Variants in SIGLEC1 observed in about 807,000 individuals in gnomAD.
The protein encoded by SIGLEC1 is sialoadhesin.
SIGLEC1 carries 132 observed loss-of-function variants against 148.0 expected under a neutral mutation model. That is an observed-to-expected ratio of 0.89 (90% CI 0.77 to 1.03). The LOEUF (loss-of-function observed/expected upper bound fraction) is 1.03, where lower values mean the gene tolerates loss of function less well. SIGLEC1 is among the 50% of genes least tolerant of loss of function. The pLI is 0.00. For missense variants in SIGLEC1, 2,253 were observed against 2,271.4 expected (o/e 0.99, Z 0.16); for synonymous variants, 945 against 969.0 (o/e 0.98, Z 0.46).
chr20:3,696,280 ATATG>A (rs1316853293), intron 11 of SIGLEC1, among the ~76,000 whole-genome samples: 1 of 152,246 alleles, frequency 6.6e-6, no homozygotes, highest in African/African-American at 2.4e-5. Flanking sequence ...ATAAATATAC[ATATG>A]TATGAGAATG....
At position 3,693,467 on chromosome 20, in the gene SIGLEC1, G is replaced by A. The variant is rs544860792; in HGVS notation, c.3488C>T (p.Pro1163Leu). The A allele has an allele frequency of 2.3e-4, 374 of 1,596,528 alleles. 6 individuals carry two copies. The South Asian group carries it at 4.0e-3, about 17-fold the overall frequency. ...PPGRAPRLSR[P>L]ITLDVLYAPR... ...CTCACAGAGGACGTCCAAGGTGATA[G>A]GTCTGGAGAGGCGGGGTGCCCGACC... Residue 1163 changes from proline (P) to leucine (L), a missense_variant, in exon 14 of 22, where the codon CCT becomes CTT. Transcript: ENST00000344754.
chr20:3,697,089 T>G lies in SIGLEC1; in HGVS notation c.2376A>C (p.Val792=), dbSNP rs673114. The G allele has an allele frequency of 0.63, 1,006,752 of 1,609,010 alleles. 317,107 individuals are homozygous for G. The highest frequency in any genetic ancestry group is 0.78 in the African/African-American group (58,555 of 74,602). The change falls in exon 10 of 22, where the codon GTA becomes GTC. Residue 792 remains valine, a synonymous_variant. Coordinates refer to ENST00000344754, the MANE Select transcript of SIGLEC1 (RefSeq NM_023068.4). ...CTGCCCATGCCAGTCACCCACAGAGTACACTCAGGAGCACGGGAGTGGAGA... is the reference window on the plus strand; with the variant it reads ...CTGCCCATGCCAGTCACCCACAGAGGACACTCAGGAGCACGGGAGTGGAGA... ...AQLSTPVLLS[V]LYPPDRPKLS...
At chr20:3,711,085 G>A (rs916419587) in intron 1 of SIGLEC1, among the ~76,000 whole-genome samples, 1 of 152,230 alleles carries the variant, frequency 6.6e-6, no homozygotes, top group Non-Finnish European at 1.5e-5. Flanking sequence ...GGTGGTCGAG[G>A]GGGAATTGCG....
rs1023458583 is a variant in SIGLEC1, at chr20:3,710,776, C to T, written c.-110+1694G>A. Among the ~76,000 whole-genome samples the T allele has an allele frequency of 2.0e-5, 3 of 152,176 alleles. No homozygotes were observed. Among genetic ancestry groups the T allele is most frequent in the African/African-American group, 4.8e-5 (2 of 41,440 alleles). ...GACACAGCGACCCTGGAACAGGGCG[C>T]GGGGGAGGACCCTTTCCAGGACCAC... On this transcript the variant is annotated intron_variant, in intron 1 of 21. Coordinates refer to ENST00000344754, the MANE Select transcript of SIGLEC1 (RefSeq NM_023068.4). This position sits in a 1 kb window ranked among gnomAD's most constrained non-coding sequence, Gnocchi z 4.6.
In SIGLEC1 at chr20:3,688,447, AGC is replaced by A. The variant is rs1238944171; in HGVS notation, c.*111_*112del. The A allele has an allele frequency of 1.1e-6, 1 of 909,220 alleles. No homozygotes were observed. The allele number at this position is 909,220 out of a possible 1,614,324, so 56.3% of individuals were successfully genotyped here. A position where few individuals can be genotyped will look rare whatever the true frequency, so the allele number is the denominator to read the frequency against. On this transcript the variant is annotated 3_prime_UTR_variant, in exon 22 of 22. Coordinates refer to ENST00000344754, the MANE Select transcript of SIGLEC1 (RefSeq NM_023068.4). ...GGTCATAAAAAGTCAGATGTCACAG[AGC>A]TGTTTTCGTAGAGGCGGGCAGGACT...
intron 4 of SIGLEC1, among the ~76,000 whole-genome samples, chr20:3,704,654 T>C (rs1025772906): frequency 6.6e-6 from 1 of 152,236 alleles, no homozygotes; most frequent in African/African-American, 2.4e-5. Context: ...TCTGGCTCAG[T>C]CAGCCAAGCT....
chr20:3,709,725 A>G (rs1036468391), intron 1 of SIGLEC1, among the ~76,000 whole-genome samples: 2 of 152,268 alleles, frequency 1.3e-5, no homozygotes, highest in Admixed American at 1.3e-4. Context: ...ACAATGGAAT[A>G]TCAATCGGCC....
intron 2 of SIGLEC1, 145 bp from the exon 3 acceptor site, chr20:3,706,851 C>T (rs1051376833): frequency 2.7e-6 from 3 of 1,124,420 alleles, no homozygotes; most frequent in Non-Finnish European, 3.7e-6. Context: ...TTAGAGCAGC[C>T]CTTCTCAGTG....
At chr20:3,691,272 G>A (rs779668759) in intron 18 of SIGLEC1, 68 bp downstream of exon 18, 13 of 1,576,950 alleles carry the variant, frequency 8.2e-6, no homozygotes, top group African/African-American at 1.3e-5. Context: ...AGACAGAAGA[G>A]GAGGAAGAAC....
intron 9 of SIGLEC1, 131 bp from the exon 10 acceptor site, chr20:3,697,473 A>G: frequency 8.8e-7 from 1 of 1,140,008 alleles, no homozygotes; most frequent in Non-Finnish European, 1.2e-6. Context: ...AAAGCAAGCT[A>G]GCTCACAGGG....
Position 3,698,125 on chromosome 20 carries a change from G to C in SIGLEC1, c.1795C>G (p.Arg599Gly). The C allele has an allele frequency of 1.9e-6, 3 of 1,594,546 alleles. No individual in the cohort carries two copies. Among genetic ancestry groups the C allele is most frequent in the South Asian group, 1.1e-5 (1 of 88,738 alleles). ...AGCCTGGTGGTGAATGTTGGTTGTCGAGGGGGGTCTGCAGGGAGGAAGAAC... is the reference window on the plus strand; with the variant it reads ...AGCCTGGTGGTGAATGTTGGTTGTCCAGGGGGGTCTGCAGGGAGGAAGAAC... ...PAVLTVLYPPRQPTFTTRLDL... is the reference protein window; with the variant it reads ...PAVLTVLYPPGQPTFTTRLDL... Residue 599 changes from arginine to glycine, a missense_variant, in exon 9 of 22, where the codon CGA (arginine) becomes GGA (glycine). Arg to Gly is a moderately radical substitution (Grantham distance 125). Transcript: ENST00000344754.
Position 3,703,951 on chromosome 20 carries a change from G to A in SIGLEC1, c.847C>T (p.Leu283Phe). 1 of 1,613,350 alleles carries A rather than the reference G, an allele frequency of 6.2e-7. No individual in the cohort carries two copies. The change falls in exon 5 of 22, where the codon CTC becomes TTC. Residue 283 changes from leucine (L) to phenylalanine (F), a missense_variant. Physicochemically the swap from Leu to Phe is conservative, Grantham distance 22 (BLOSUM62 0). Coordinates refer to ENST00000344754, the MANE Select transcript of SIGLEC1 (RefSeq NM_023068.4). ...SIKWLKDGVR[L>F]QTKTGVLHLP... is the part of the protein sequence containing the mutation. Reference sequence around the variant, plus strand: ...TGCAGCACACCAGTCTTGGTTTGGAGGCGTACCCCATCCTTGAGCCACTTA... The same window carrying A: ...TGCAGCACACCAGTCTTGGTTTGGAAGCGTACCCCATCCTTGAGCCACTTA...
chr20:3,692,823 G>C, intron 15 of SIGLEC1, 39 bp downstream of exon 15: 1 of 1,600,832 alleles, frequency 6.2e-7, no homozygotes, highest in Non-Finnish European at 8.5e-7. Flanking sequence ...ACCACAGTGG[G>C]CTTCCATCCC....
At position 3,693,040 on chromosome 20, in the gene SIGLEC1, G is replaced by T; in HGVS notation, c.3600C>A (p.Pro1200=). The T allele has an allele frequency of 6.2e-7, 1 of 1,609,626 alleles. No homozygotes were observed. ...CGGCGTGGCTGAGGGCCAGCTGGGCGGGCGGGCGGCTGTCCACAGTGCACA... is the reference window on the plus strand; with the variant it reads ...CGGCGTGGCTGAGGGCCAGCTGGGCTGGCGGGCGGCTGTCCACAGTGCACA... ...LVLCTVDSRP[P]AQLALSHAGR... Residue 1200 remains proline (P), a synonymous_variant, in exon 15 of 22, where the codon CCC becomes CCA. Transcript: ENST00000344754.
Position 3,712,564 on chromosome 20 carries a change from AG to A in SIGLEC1, c.-205del, listed in dbSNP as rs1354066380. ...GAGCTCCTGGTGCAGCTGGCTCCCC[AG>A]GGCTCTGCCGGCTCAAGAGAGAAGG... On this transcript the variant is annotated 5_prime_UTR_variant, in exon 1 of 22. Coordinates refer to ENST00000344754, the MANE Select transcript of SIGLEC1 (RefSeq NM_023068.4). Among the ~76,000 whole-genome samples, 1 of 152,166 alleles carries A rather than the reference AG, an allele frequency of 6.6e-6. No individual in the cohort carries two copies. The highest frequency in any genetic ancestry group is 2.4e-5 in the African/African-American group (1 of 41,426).
intron 13 of SIGLEC1, 107 bp downstream of exon 13, chr20:3,694,114 G>T: frequency 1.6e-6 from 2 of 1,225,196 alleles, no homozygotes; most frequent in South Asian, 1.5e-5. Flanking sequence ...TGGGAATGGG[G>T]ACTATTCCCG....
Position 3,690,265 on chromosome 20 carries a change from C to A in SIGLEC1, c.4592-1G>T. 1 of 1,540,390 alleles carries A rather than the reference C, an allele frequency of 6.5e-7. No homozygotes were observed. Among genetic ancestry groups the A allele is most frequent in the Middle Eastern group, 1.7e-4 (1 of 5,954 alleles). ...ATCATGGTGGGCGTCTTGGGAGGGT[C>A]TGTGGGGAGGAAGGGAGTGTGGTGA... is the stretch of plus-strand genomic sequence containing the variant. On this transcript the variant is annotated splice_acceptor_variant, in intron 18 of 21. Coordinates refer to ENST00000344754, the MANE Select transcript of SIGLEC1 (RefSeq NM_023068.4). LOFTEE classifies it high-confidence loss of function.
chr20:3,694,450 A>G lies in SIGLEC1; in HGVS notation c.3027T>C (p.Ser1009=), dbSNP rs763399737. Residue 1009 remains serine, a synonymous_variant, in exon 13 of 22, where the codon AGT becomes AGC. Transcript: ENST00000344754. ...GCAGCCGCAGCTGGGCCGGAGGGTC[A>G]CTGTCCACACGGCACAGGAGGAGGC... ...RLGLLLCRVD[S]DPPAQLRLLH... The G allele has an allele frequency of 4.3e-6, 7 of 1,609,420 alleles. No homozygotes were observed. The highest frequency in any genetic ancestry group is 3.3e-5 in the South Asian group (3 of 90,760).
At position 3,691,444 on chromosome 20, in the gene SIGLEC1, A is replaced by G; in HGVS notation, c.4487T>C (p.Leu1496Pro). 6.2e-7 allele frequency: 1 copy of G among 1,613,286 alleles called. No homozygotes were observed. The highest frequency in any genetic ancestry group is 8.5e-7 in the Non-Finnish European group (1 of 1,179,998). The part of the protein sequence containing the change: ...RRLHAEPVPT[L>P]AFTHVARAQA... ...AGCACGAGCCACGTGGGTGAAGGCG[A>G]GAGTGGGCACAGGCTCCGCGTGCAG... is the stretch of plus-strand genomic sequence containing the variant. The change falls in exon 18 of 22, where the codon CTC (leucine) becomes CCC (proline). Residue 1496 changes from leucine to proline, a missense_variant. Physicochemically the swap from Leu to Pro is moderately conservative, Grantham distance 98 (BLOSUM62 -3). Coordinates refer to ENST00000344754, the MANE Select transcript of SIGLEC1 (RefSeq NM_023068.4).
Sources: gnomAD v4.1 joint callset for allele counts (sites outside exome capture counted in the v4.1 genomes callset) on GRCh38, gnomAD v4.1.1 for gene constraint, Gnocchi (gnomAD v3.1) non-coding constraint, MANE v1.5 for transcripts, NCBI Gene and HGNC (gene_info 2026-07-23, HGNC 2026-07-21) for gene names.